GRIP1: variants seen among roughly 807,000 people sequenced by gnomAD.
GRIP1 encodes glutamate receptor-interacting protein 1.
GRIP1 carries 45 observed loss-of-function variants against 129.9 expected under a neutral mutation model. The observed-to-expected ratio is 0.35, with a 90% CI of 0.27 to 0.44. The LOEUF (loss-of-function observed/expected upper bound fraction) is 0.44, where lower values mean the gene tolerates loss of function less well. Ranked by LOEUF, GRIP1 falls within the 20% of genes least tolerant of loss-of-function variation. The probability of loss-of-function intolerance (pLI) is 1.00; values close to 1 mark genes in which losing one functional copy is unlikely to be tolerated. For synonymous variants in GRIP1, 530 were observed against 520.8 expected (o/e 1.02, Z -0.24); for missense variants, 1,196 against 1,396.8 (o/e 0.86, Z 2.29).
intron 2 of GRIP1, among the ~76,000 whole-genome samples, chr12:66,560,957 G>A (rs1565862098): frequency 6.6e-6 from 1 of 152,094 alleles, no homozygotes; most frequent in Non-Finnish European, 1.5e-5. Context: ...CAGATGAATG[G>A]ATAAAGAAAA....
intron 1 of GRIP1, among the ~76,000 whole-genome samples, chr12:66,747,134 G>C (rs1185175027): frequency 1.3e-5 from 2 of 152,144 alleles, no homozygotes; most frequent in East Asian, 3.9e-4. Flanking sequence ...GTTGGATGTA[G>C]AAAAGAAGTG....
intron 1 of GRIP1, among the ~76,000 whole-genome samples, chr12:66,801,201 A>C (rs1360533504): frequency 3.9e-5 from 6 of 152,120 alleles, no homozygotes; most frequent in Non-Finnish European, 8.8e-5. Flanking sequence ...ACTAAAACCC[A>C]GAAATGTTTG....
At chr12:66,514,632 T>G (rs180765998) in intron 7 of GRIP1, among the ~76,000 whole-genome samples, 2 of 152,194 alleles carry the variant, frequency 1.3e-5, no homozygotes, top group Admixed American at 1.3e-4. Flanking sequence ...ACTTTCCATG[T>G]CAAGGGCATA....
intron 16 of GRIP1, among the ~76,000 whole-genome samples, chr12:66,402,864 A>T (rs2057055608): frequency 6.6e-6 from 1 of 152,222 alleles, no homozygotes; most frequent in Non-Finnish European, 1.5e-5. Context: ...CTTATTTTCC[A>T]CTCAGTCATA....
intron 23 of GRIP1, among the ~76,000 whole-genome samples, chr12:66,354,532 G>GT (rs1190906459): frequency 1.3e-5 from 2 of 152,190 alleles, no homozygotes; most frequent in Non-Finnish European, 2.9e-5. Flanking sequence ...TTGATGCTCA[G>GT]TTAACGTTTG....
intron 13 of GRIP1, among the ~76,000 whole-genome samples, chr12:66,440,717 T>C (rs1015196856): frequency 6.6e-6 from 1 of 152,034 alleles, no homozygotes; most frequent in Non-Finnish European, 1.5e-5. Flanking sequence ...ACATGCTCAA[T>C]CTCTCCAATC....
At chr12:66,402,147 G>A (rs17102466) in intron 16 of GRIP1, among the ~76,000 whole-genome samples, 6,743 of 152,206 alleles carry the variant, frequency 0.044, 501 homozygotes, top group African/African-American at 0.15. Flanking sequence ...AAATCCCTTC[G>A]AGACCAAGGT....
intron 1 of GRIP1, among the ~76,000 whole-genome samples, chr12:67,045,986 G>T (rs952685195): frequency 2.0e-5 from 3 of 152,130 alleles, no homozygotes; most frequent in African/African-American, 7.2e-5. Flanking sequence ...TTCCCAATTT[G>T]GGGGTGCAAA....
intron 1 of GRIP1, among the ~76,000 whole-genome samples, chr12:66,802,535 C>G (rs1179897173): frequency 6.6e-6 from 1 of 152,134 alleles, no homozygotes; most frequent in Non-Finnish European, 1.5e-5. Context: ...ATTTTATAAA[C>G]TTACAGAGTA....
intron 1 of GRIP1, among the ~76,000 whole-genome samples, chr12:66,720,102 A>G (rs2036014886): frequency 6.6e-6 from 1 of 152,194 alleles, no homozygotes; most frequent in Non-Finnish European, 1.5e-5. Context: ...ATACAGGCAT[A>G]CCTTGGAGAT....
intron 7 of GRIP1, among the ~76,000 whole-genome samples, chr12:66,475,673 C>T (rs547294049): frequency 1.1e-4 from 16 of 152,310 alleles, no homozygotes; most frequent in African/African-American, 3.6e-4. Context: ...GATTAAGAAA[C>T]TCACTCAAAA....
rs372210753 is a variant in GRIP1 at position 66,748,008 on chromosome 12, AGTGT to A, written c.-420+56041_-420+56044del. Among the ~76,000 whole-genome samples, 784 of 150,990 alleles carry A rather than the reference AGTGT, an allele frequency of 5.2e-3. 4 individuals carry two copies. The highest frequency in any genetic ancestry group is 7.9e-3 in the Non-Finnish European group (536 of 67,634). On this transcript the variant is annotated intron_variant, in intron 1 of 4. Coordinates refer to the GRIP1 transcript ENST00000538373. ...TATAAATATGTATTTGTTTATTGTC[AGTGT>A]GTGTGTGTGTGTGTATTTTTTTTTG...
At chr12:66,952,976 A>G (rs1300573881) in intron 1 of GRIP1, among the ~76,000 whole-genome samples, 1 of 152,240 alleles carries the variant, frequency 6.6e-6, no homozygotes, top group Non-Finnish European at 1.5e-5. Context: ...TGACTATGCC[A>G]CACATAGATA....
At chr12:67,042,473 A>G (rs2043195160) in intron 1 of GRIP1, among the ~76,000 whole-genome samples, 1 of 152,122 alleles carries the variant, frequency 6.6e-6, no homozygotes, top group African/African-American at 2.4e-5. Flanking sequence ...AAGGATATCC[A>G]CAATCCCTGT....
At chr12:66,454,564 T>G (rs1253699557) in intron 11 of GRIP1, among the ~76,000 whole-genome samples, 1 of 151,964 alleles carries the variant, frequency 6.6e-6, no homozygotes, top group African/African-American at 2.4e-5. Context: ...AATGTAGGAG[T>G]GATTTATATT....
At chr12:66,893,390 C>T (rs1298718040) in intron 1 of GRIP1, among the ~76,000 whole-genome samples, 1 of 152,120 alleles carries the variant, frequency 6.6e-6, no homozygotes, top group African/African-American at 2.4e-5. Context: ...CAGGTATACA[C>T]CACCACACCC....
At chr12:66,897,684 T>C (rs556170313) in intron 1 of GRIP1, among the ~76,000 whole-genome samples, 3 of 152,344 alleles carry the variant, frequency 2.0e-5, no homozygotes, top group African/African-American at 4.8e-5. Context: ...GATCCAATTA[T>C]GGCAAAACAG....
rs113964373 is a variant in GRIP1, at chr12:66,931,309, A to G, written c.58+137741T>C. On this transcript the variant is annotated intron_variant, in intron 1 of 1. Coordinates refer to the GRIP1 transcript ENST00000643019. ...AAATACTGCAGAGGGACAACCATCA[A>G]TGCCAATGATCTCATCAAGGAAAAA... Among the ~76,000 whole-genome samples the G allele has an allele frequency of 1.8e-3, 270 of 152,348 alleles. 2 individuals carry two copies. Among genetic ancestry groups the G allele is most frequent in the African/African-American group, 6.3e-3 (261 of 41,590 alleles).
At chr12:66,979,180 G>A (rs1366137849) in intron 1 of GRIP1, among the ~76,000 whole-genome samples, 3 of 118,794 alleles carry the variant, frequency 2.5e-5, no homozygotes, top group African/African-American at 6.4e-5. Flanking sequence ...GACCCCACTT[G>A]AGGATTTATA....
Sources: allele counts gnomAD v4.1 joint callset (sites outside exome capture counted in the v4.1 genomes callset), GRCh38; gene constraint gnomAD v4.1.1; transcripts MANE v1.5; gene names NCBI Gene and HGNC (gene_info 2026-07-23, HGNC 2026-07-21).